The following MSRA variants were observed in gnomAD, a reference collection of about 807,000 sequenced individuals.
The protein encoded by MSRA is methionine sulfoxide reductase A.
A neutral mutation model predicts 31.3 loss-of-function variants in MSRA; 54 were observed. That is an observed-to-expected ratio of 1.73 (90% CI 1.39 to 2.17). The LOEUF is 2.17. MSRA is among the 30% of genes most tolerant of loss of function. MSRA has a pLI of 0.00. For synonymous variants in MSRA, 169 were observed against 116.5 expected (o/e 1.45, Z -2.90); for missense variants, 507 against 300.9 (o/e 1.69, Z -5.07).
At chr8:10,302,761 C>CG (rs1404918635) in intron 4 of MSRA, among the ~76,000 whole-genome samples, 1 of 152,092 alleles carries the variant, frequency 6.6e-6, no homozygotes, top group Non-Finnish European at 1.5e-5. Flanking sequence ...GGAAGGAGGC[C>CG]GGGGGCACGA....
intron 2 of MSRA, among the ~76,000 whole-genome samples, chr8:10,233,330 A>C (rs75320280): frequency 3.9e-5 from 6 of 152,232 alleles, no homozygotes; most frequent in Non-Finnish European, 8.8e-5. Flanking sequence ...CTGCAAACTC[A>C]AATTCTAAAG....
intron 1 of MSRA, among the ~76,000 whole-genome samples, chr8:10,101,917 T>A (rs1216619226): frequency 6.6e-6 from 1 of 152,222 alleles, no homozygotes; most frequent in Non-Finnish European, 1.5e-5. Flanking sequence ...AGTGGAATTC[T>A]GGGTTGACAA....
chr8:10,086,678 C>A (rs1245880083), intron 1 of MSRA, among the ~76,000 whole-genome samples: 2 of 151,974 alleles, frequency 1.3e-5, no homozygotes, highest in Middle Eastern at 3.2e-3. Context: ...TTTCACTTTT[C>A]ATTTATTTCA....
At chr8:10,209,233 A>G (rs1809272251) in intron 2 of MSRA, among the ~76,000 whole-genome samples, 1 of 152,224 alleles carries the variant, frequency 6.6e-6, no homozygotes, top group African/African-American at 2.4e-5. Context: ...ATCATGGGAC[A>G]GCAAATGTCA....
intron 5 of MSRA, among the ~76,000 whole-genome samples, chr8:10,345,018 G>A (rs1803681973): frequency 6.6e-6 from 1 of 152,122 alleles, no homozygotes. Context: ...GGGCTCAGTT[G>A]GGAAGATGGG....
intron 1 of MSRA, among the ~76,000 whole-genome samples, chr8:10,143,062 T>G (rs1802841923): frequency 6.6e-6 from 1 of 152,168 alleles, no homozygotes; most frequent in South Asian, 2.1e-4. Context: ...GGGCATGCTT[T>G]GACTTCCCCA....
At chr8:10,300,552 A>C (rs1297418913) in intron 3 of MSRA, among the ~76,000 whole-genome samples, 1 of 151,950 alleles carries the variant, frequency 6.6e-6, no homozygotes, top group African/African-American at 2.4e-5. Context: ...CACCACACCC[A>C]GCTAATTTTT....
rs202000887 is a variant in MSRA, at chr8:10,219,805, C to CAAAAAAAAAAAAAAA, written c.211+11904_211+11905insAAAAAAAAAAAAAAA. Among the ~76,000 whole-genome samples, 9 of 46,072 alleles carry CAAAAAAAAAAAAAAA rather than the reference C, an allele frequency of 2.0e-4. 1 individual carries two copies. The highest frequency in any genetic ancestry group is 1.5e-3 in the African/African-American group (9 of 6,000). 30.2% of individuals were successfully genotyped at this position (46,072 alleles called of 152,430 possible). A position where few individuals can be genotyped will look rare whatever the true frequency, so the allele number is the denominator to read the frequency against. ...TGGACGACAGATCGAGACTCTGTCTCCAAAAAAAAAAAAAAAAAAAAAAGA... is the reference window on the plus strand; with the variant it reads ...TGGACGACAGATCGAGACTCTGTCTCAAAAAAAAAAAAAAACAAAAAAAAAAAAAAAAAAAAAAGA... On this transcript the variant is annotated intron_variant, in intron 2 of 5. Coordinates refer to ENST00000317173, the MANE Select transcript of MSRA (RefSeq NM_012331.5).
intron 4 of MSRA, among the ~76,000 whole-genome samples, chr8:10,309,620 C>T (rs1026670569): frequency 6.6e-6 from 1 of 152,202 alleles, no homozygotes; most frequent in African/African-American, 2.4e-5. Context: ...GTCTGGTTTG[C>T]CCCCCGTGGG....
intron 4 of MSRA, among the ~76,000 whole-genome samples, chr8:10,315,299 C>T (rs1172949314): frequency 2.6e-5 from 4 of 152,040 alleles, no homozygotes; most frequent in Non-Finnish European, 5.9e-5. Context: ...TGAATGTGTC[C>T]GTGTGCTAAA....
At chr8:10,081,785 C>G (rs538422627) in intron 1 of MSRA, among the ~76,000 whole-genome samples, 6 of 152,296 alleles carry the variant, frequency 3.9e-5, no homozygotes, top group Admixed American at 3.9e-4. Context: ...GTGTGAGCCA[C>G]TACGCCTGGC....
chr8:10,062,440 T>C (rs528772812), intron 1 of MSRA, among the ~76,000 whole-genome samples: 69 of 152,352 alleles, frequency 4.5e-4, no homozygotes, highest in Admixed American at 8.5e-4. Context: ...CATCGATATG[T>C]AGCACTACAC....
intron 5 of MSRA, among the ~76,000 whole-genome samples, chr8:10,331,153 T>G (rs1038815090): frequency 3.3e-5 from 5 of 152,238 alleles, no homozygotes; most frequent in Non-Finnish European, 1.5e-5. Flanking sequence ...CTTGGACTTC[T>G]CAGCCCCCAG....
At chr8:10,270,744 A>T (rs566237469) in intron 3 of MSRA, among the ~76,000 whole-genome samples, 5 of 152,362 alleles carry the variant, frequency 3.3e-5, no homozygotes, top group African/African-American at 1.2e-4. Flanking sequence ...TCATTAGCTC[A>T]TTCACATCAG....
At chr8:10,184,973 T>C (rs1806890134) in intron 1 of MSRA, among the ~76,000 whole-genome samples, 1 of 152,210 alleles carries the variant, frequency 6.6e-6, no homozygotes, top group South Asian at 2.1e-4. Context: ...AATAAACAGT[T>C]TGCATATGTA....
chr8:10,248,636 G>T lies in MSRA; in HGVS notation c.331+3413G>T, dbSNP rs181273280. On this transcript the variant is annotated intron_variant, in intron 3 of 5. Transcript: ENST00000317173. ...GAGGGTGTGGATTCATATCCGAATG[G>T]TATTTCTATGTGGAAATTGATAGGC... Among the ~76,000 whole-genome samples, 9 of 152,326 alleles carry T rather than the reference G, an allele frequency of 5.9e-5. No homozygotes were observed. The East Asian group carries it at 1.7e-3, about 29-fold the overall frequency.
At chr8:10,356,878 G>A (rs1270614321) in intron 5 of MSRA, among the ~76,000 whole-genome samples, 2 of 140,502 alleles carry the variant, frequency 1.4e-5, no homozygotes, top group African/African-American at 5.4e-5. Context: ...CTGTTTTTGA[G>A]CCTTGCCCAT....
chr8:10,064,974 G>T (rs907569599), intron 1 of MSRA, among the ~76,000 whole-genome samples: 17 of 152,092 alleles, frequency 1.1e-4, no homozygotes, highest in African/African-American at 4.1e-4. Context: ...TGAAAACCGC[G>T]TAAGAGTTTG....
chr8:10,317,661 A>C (rs1801803678), intron 4 of MSRA, among the ~76,000 whole-genome samples: 1 of 152,166 alleles, frequency 6.6e-6, no homozygotes, highest in South Asian at 2.1e-4. Context: ...CTGAGCCAGT[A>C]ATTCTCTTTC....
Sources: allele counts gnomAD v4.1 joint callset (sites outside exome capture counted in the v4.1 genomes callset), GRCh38; gene constraint gnomAD v4.1.1; transcripts MANE v1.5; gene names NCBI Gene and HGNC (gene_info 2026-07-23, HGNC 2026-07-21).